Variants in TNNI3K observed in about 807,000 individuals in gnomAD.
TNNI3K encodes serine/threonine-protein kinase TNNI3K.
A neutral mutation model predicts 114.5 loss-of-function variants in TNNI3K; 140 were observed. That is an observed-to-expected ratio of 1.22 (90% CI 1.07 to 1.41). TNNI3K has a LOEUF of 1.41. TNNI3K is among the 40% of genes most tolerant of loss of function. The pLI is 0.00. For synonymous variants in TNNI3K, 347 were observed against 347.5 expected, an observed-to-expected ratio of 1.00 and a Z score of 0.02; for missense variants, 1,125 against 1,007.6, an observed-to-expected ratio of 1.12 and a Z score of -1.58.
chr1:74,363,956 A>G (rs771086361), intron 11 of TNNI3K, among the ~76,000 whole-genome samples: 1 of 140,542 alleles, frequency 7.1e-6, no homozygotes, highest in African/African-American at 2.6e-5. Flanking sequence ...GACTCTAGCA[A>G]GGAACAGATG....
intron 21 of TNNI3K, chr1:74,472,170 A>T (rs756845865): frequency 1.4e-6 from 1 of 716,908 alleles, no homozygotes; most frequent in African/African-American, 1.7e-5. Context: ...CGGGTGTTGC[A>T]TATCTTCTTC....
chr1:74,508,126 A>T (rs1670000434), intron 23 of TNNI3K, among the ~76,000 whole-genome samples: 1 of 152,274 alleles, frequency 6.6e-6, no homozygotes. Context: ...GCATGTGGAT[A>T]GCTTCTTGCA....
chr1:74,354,077 G>C lies in TNNI3K; in HGVS notation c.1125G>C (p.Arg375Ser), dbSNP rs1224893543. The change falls in exon 11 of 25, where the codon AGG (arginine) becomes AGC (serine). Residue 375 changes from arginine (R) to serine (S), a missense_variant. Transcript: ENST00000326637. ...DMNLVACDPS[R>S]SSGEKDEQTC... Reference sequence around the variant, plus strand: ...ATCTAGTGGCTTGTGATCCCAGCAGGTCTAGTGGTGAAAAAGATGAGCAGA... The same window carrying C: ...ATCTAGTGGCTTGTGATCCCAGCAGCTCTAGTGGTGAAAAAGATGAGCAGA... 11 of 1,613,926 alleles carry C rather than the reference G, an allele frequency of 6.8e-6. No homozygotes were observed. In the Admixed American group the frequency reaches 1.0e-4, roughly 15 times the overall value.
chr1:74,250,192 A>G (rs1654842647), intron 3 of TNNI3K, among the ~76,000 whole-genome samples: 2 of 152,170 alleles, frequency 1.3e-5, no homozygotes, highest in Non-Finnish European at 2.9e-5. Flanking sequence ...TTCCTTAACC[A>G]TTTCTCCCAA....
At chr1:74,381,545 A>T (rs1663203349) in intron 17 of TNNI3K, among the ~76,000 whole-genome samples, 1 of 152,100 alleles carries the variant, frequency 6.6e-6, no homozygotes, top group Non-Finnish European at 1.5e-5. Context: ...TCAGATGGAT[A>T]ATTTCTTCTT....
rs76061180 is a variant in TNNI3K, at chr1:74,477,621, G to A, written c.2122-11568G>A. Reference sequence around the variant, plus strand: ...GAGAGTAAACATAATTTGATTATAGGATACAGTTTCTCCTCTAATTGTGTC... The same window carrying A: ...GAGAGTAAACATAATTTGATTATAGAATACAGTTTCTCCTCTAATTGTGTC... On this transcript the variant is annotated intron_variant, in intron 21 of 24. Transcript: ENST00000326637. 9.1e-3 allele frequency among the ~76,000 whole-genome samples: 1,383 copies of A among 152,258 alleles called. 23 individuals carry two copies. Among genetic ancestry groups the A allele is most frequent in the African/African-American group, 0.032 (1,339 of 41,558 alleles).
rs190128666 is a variant in TNNI3K at position 74,438,199 on chromosome 1, A to G, written c.1879-1291A>G. Among the ~76,000 whole-genome samples, 7 of 151,882 alleles carry G rather than the reference A, an allele frequency of 4.6e-5. No individual in the cohort carries two copies. In the East Asian group the frequency reaches 1.4e-3, roughly 30 times the overall value. On this transcript the variant is annotated intron_variant, in intron 19 of 24. Coordinates refer to ENST00000326637, the MANE Select transcript of TNNI3K (RefSeq NM_015978.3). ...ATCAGTCTATGACCCCTCTGTGCAA[A>G]AACGGGCATACTGTGTACCTGCTCC... is the stretch of plus-strand genomic sequence containing the variant.
At chr1:74,471,668 T>C (rs1667938285) in intron 21 of TNNI3K, 2 of 400,764 alleles carry the variant, frequency 5.0e-6, no homozygotes, top group Admixed American at 8.8e-5. Flanking sequence ...GGTGACATCA[T>C]CGACCTATTT....
chr1:74,508,708 A>G (rs1670032202), intron 23 of TNNI3K, among the ~76,000 whole-genome samples: 1 of 152,190 alleles, frequency 6.6e-6, no homozygotes, highest in African/African-American at 2.4e-5. Context: ...TGTCTGGTAG[A>G]AGGGAGGCTC....
chr1:74,371,307 A>C (rs1474474460), intron 17 of TNNI3K: 1 of 151,878 alleles, frequency 6.6e-6, no homozygotes, highest in Admixed American at 6.6e-5. Flanking sequence ...TTTTCAGCAC[A>C]GTAGAGCTTA....
At position 74,342,932 on chromosome 1, in the gene TNNI3K, A is replaced by G. The variant is rs200590082; in HGVS notation, c.773A>G (p.Asp258Gly). 1.5e-5 allele frequency: 24 copies of G among 1,613,800 alleles called. No homozygotes were observed. The highest frequency in any genetic ancestry group is 1.9e-5 in the Non-Finnish European group (23 of 1,179,936). The change falls in exon 8 of 25, where the codon GAT becomes GGT. Residue 258 changes from aspartate to glycine, a missense_variant. Physicochemically the swap from Asp to Gly is moderately conservative, Grantham distance 94. Transcript: ENST00000326637. ...ATAGTTAAGTATCTGCTGCAAAGTG[A>G]TTTGGAAGTTCAACCTCATGTTGTT... ...HDIVKYLLQS[D>G]LEVQPHVVNI...
chr1:74,356,837 G>T (rs1661684334), intron 11 of TNNI3K, among the ~76,000 whole-genome samples: 1 of 152,100 alleles, frequency 6.6e-6, no homozygotes, highest in African/African-American at 2.4e-5. Context: ...TGCTGTATTT[G>T]TCACTGTATT....
Position 74,540,243 on chromosome 1 carries a change from A to G in TNNI3K, c.2361A>G (p.Gln787=), listed in dbSNP as rs200844425. The stretch of plus-strand genomic sequence containing the variant: ...TTTATTAATTTTCCAGTGCTGGACA[A>G]TATTCCTCTCAAGGTCTGTCTTTGG... ...SYAALSQSAG[Q]YSSQGLSLEE... Residue 787 remains glutamine, a synonymous_variant, in exon 24 of 25, where the codon CAA becomes CAG. Transcript: ENST00000326637. The G allele has an allele frequency of 6.2e-7, 1 of 1,612,294 alleles. No individual in the cohort carries two copies. The highest frequency in any genetic ancestry group is 8.5e-7 in the Non-Finnish European group (1 of 1,178,962).
chr1:74,330,486 TTTTC>T (rs1407000237), intron 5 of TNNI3K, among the ~76,000 whole-genome samples: 10 of 152,280 alleles, frequency 6.6e-5, no homozygotes, highest in African/African-American at 2.4e-4. Flanking sequence ...TCAAAGTTAT[TTTTC>T]TTTGTCTTAT....
intron 17 of TNNI3K, among the ~76,000 whole-genome samples, chr1:74,389,908 G>T (rs1045555275): frequency 6.6e-6 from 1 of 152,174 alleles, no homozygotes; most frequent in Admixed American, 6.5e-5. Context: ...AGGAAAAGGA[G>T]AGAGGGGTAA....
At position 74,249,547 on chromosome 1, in the gene TNNI3K, G is replaced by T. The variant is rs767445454; in HGVS notation, c.235+3G>T. The T allele has an allele frequency of 1.2e-6, 2 of 1,613,168 alleles. No individual in the cohort carries two copies. The highest frequency in any genetic ancestry group is 1.7e-6 in the Non-Finnish European group (2 of 1,179,586). On this transcript the variant is annotated splice_donor_region_variant and intron_variant, in intron 3 of 24. Coordinates refer to ENST00000326637, the MANE Select transcript of TNNI3K (RefSeq NM_015978.3). ...TCATTTATGTTGCATTTGTGGAGGT[G>T]AGTACTTGAAACTTAGTACTTCTTA...
At chr1:74,299,817 GCT>G (rs1249286034) in intron 5 of TNNI3K, among the ~76,000 whole-genome samples, 1 of 152,000 alleles carries the variant, frequency 6.6e-6, no homozygotes, top group African/African-American at 2.4e-5. Flanking sequence ...ACAGGCAGTG[GCT>G]CTTTTATGAA....
At chr1:74,299,023 A>G (rs1570436150) in intron 5 of TNNI3K, among the ~76,000 whole-genome samples, 1 of 152,102 alleles carries the variant, frequency 6.6e-6, no homozygotes, top group East Asian at 1.9e-4. Context: ...ACTCTATACT[A>G]CATCACTCAT....
At chr1:74,380,541 C>T (rs141849517) in intron 17 of TNNI3K, among the ~76,000 whole-genome samples, 237 of 152,266 alleles carry the variant, frequency 1.6e-3, no homozygotes, top group African/African-American at 5.6e-3. Flanking sequence ...CCTCTAAAAC[C>T]TTTCAAATGC....
Sources: allele counts gnomAD v4.1 joint callset (sites outside exome capture counted in the v4.1 genomes callset), GRCh38; gene constraint gnomAD v4.1.1; transcripts MANE v1.5; gene names NCBI Gene and HGNC (gene_info 2026-07-23, HGNC 2026-07-21).